BCL11B: variants seen among roughly 807,000 people sequenced by gnomAD.
BCL11B encodes the protein B-cell lymphoma/leukemia 11B.
In BCL11B, 8 loss-of-function variants were observed where a neutral mutation model predicts 49.9. That is an observed-to-expected ratio of 0.16 (90% CI 0.09 to 0.29). BCL11B has a LOEUF of 0.29. BCL11B is among the 10% of genes least tolerant of loss of function. BCL11B has a pLI of 1.00. For synonymous variants in BCL11B, 739 were observed against 637.4 expected (o/e 1.16, Z -2.40); for missense variants, 1,006 against 1,351.0 (o/e 0.74, Z 4.00).
At position 99,174,929 on chromosome 14, in the gene BCL11B, TCGTCGC is replaced by T; in HGVS notation, c.1901_1906del (p.Gly634_Asp635del). The T allele has an allele frequency of 7.6e-7, 1 of 1,312,316 alleles. No homozygotes were observed. The highest frequency in any genetic ancestry group is 9.8e-7 in the Non-Finnish European group (1 of 1,025,424). 81.3% of individuals were successfully genotyped at this position (1,312,316 alleles called of 1,614,324 possible). A position where few individuals can be genotyped will look rare whatever the true frequency, so the allele number is the denominator to read the frequency against. ...GTCCCCGCAGCCGCCCGCGTCGTCGTCGTCGCCCGCGTCCCCGCCGCCCGCCGCACG... is the reference window on the plus strand; with the variant it reads ...GTCCCCGCAGCCGCCCGCGTCGTCGTCCGCGTCCCCGCCGCCCGCCGCACG... On this transcript the variant is annotated inframe_deletion, in exon 4 of 4. Transcript: ENST00000357195.
intron 1 of BCL11B, among the ~76,000 whole-genome samples, chr14:99,269,515 T>C (rs377572308): frequency 6.6e-5 from 8 of 120,694 alleles, no homozygotes; most frequent in East Asian, 2.2e-4. Flanking sequence ...TAATTTCTAT[T>C]CCCCCCCCCC....
Position 99,247,695 on chromosome 14 carries a change from G to A in BCL11B, c.427+9776C>T, listed in dbSNP as rs1369685478. The stretch of plus-strand genomic sequence containing the variant: ...TTCTGGACACTCTTGTGGATTGGAC[G>A]GATGGCTTCATCTGTGCCATATCAC... On this transcript the variant is annotated intron_variant, in intron 2 of 3. Transcript: ENST00000357195. The surrounding 1 kb of genome is among the most constrained non-coding windows in gnomAD (Gnocchi z 4.5). Among the ~76,000 whole-genome samples the A allele has an allele frequency of 6.6e-6, 1 of 152,192 alleles. No individual in the cohort carries two copies. The highest frequency in any genetic ancestry group is 1.5e-5 in the Non-Finnish European group (1 of 68,022).
chr14:99,182,403 G>C (rs1238079613), intron 3 of BCL11B, among the ~76,000 whole-genome samples: 3 of 152,142 alleles, frequency 2.0e-5, no homozygotes, highest in East Asian at 3.9e-4. Flanking sequence ...ATAAACGCTG[G>C]GTCAGAAGAG....
At chr14:99,252,608 G>A (rs1432770080) in intron 2 of BCL11B, among the ~76,000 whole-genome samples, 2 of 152,220 alleles carry the variant, frequency 1.3e-5, no homozygotes, top group African/African-American at 2.4e-5. Flanking sequence ...GGTTGTGGAT[G>A]AAGACATATC....
At chr14:99,202,385 T>C (rs1887410783) in intron 3 of BCL11B, among the ~76,000 whole-genome samples, 1 of 152,238 alleles carries the variant, frequency 6.6e-6, no homozygotes, top group Non-Finnish European at 1.5e-5. Context: ...TTTCTTTTAA[T>C]AGGCCTATCC....
In BCL11B at chr14:99,175,206, G is replaced by GCTC. The variant is rs761352760; in HGVS notation, c.1627_1629dup (p.Glu543dup). On this transcript the variant is annotated inframe_insertion, in exon 4 of 4. Transcript: ENST00000357195. ...GGCCGGCTCTCGTTCTCCAGTAGCA[G>GCTC]CTCCTCCTCCTCCTCCTCCTCCTCC... 1,658 of 1,554,540 alleles carry GCTC rather than the reference G, an allele frequency of 1.1e-3. 1 individual carries two copies. The highest frequency in any genetic ancestry group is 1.5e-3 in the Middle Eastern group (9 of 5,924).
chr14:99,207,927 C>A (rs974766535), intron 3 of BCL11B, among the ~76,000 whole-genome samples: 12 of 152,152 alleles, frequency 7.9e-5, no homozygotes, highest in African/African-American at 2.7e-4. Flanking sequence ...TGGCCCTGGG[C>A]AAGTAACAGG....
chr14:99,246,372 GCGGGT>G (rs1294349512), intron 2 of BCL11B, among the ~76,000 whole-genome samples: 1 of 152,244 alleles, frequency 6.6e-6, no homozygotes, highest in Non-Finnish European at 1.5e-5. Flanking sequence ...CGCAGCGGGC[GCGGGT>G]CAAAGAGAGA....
At chr14:99,187,107 G>C (rs531603722) in intron 3 of BCL11B, among the ~76,000 whole-genome samples, 4 of 152,322 alleles carry the variant, frequency 2.6e-5, no homozygotes. Context: ...AACAGTCTGT[G>C]TTTCAACCGT....
In BCL11B at chr14:99,170,878, GT is replaced by G. The variant is rs1004461989; in HGVS notation, c.*3272del. On this transcript the variant is annotated 3_prime_UTR_variant, in exon 4 of 4. Transcript: ENST00000357195. ...CACCAGCTCCTTTTATGATATTTGTGTTTGTTTCACAATTTCTCAAGGACTA... is the reference window on the plus strand; with the variant it reads ...CACCAGCTCCTTTTATGATATTTGTGTTGTTTCACAATTTCTCAAGGACTA... 3.9e-5 allele frequency: 9 copies of G among 232,606 alleles called. No individual in the cohort carries two copies. The highest frequency in any genetic ancestry group is 2.2e-4 in the Admixed American group (4 of 17,780). The allele number at this position is 232,606 out of a possible 1,614,324, so 14.4% of individuals were successfully genotyped here.
rs1047891020 is a variant in BCL11B at position 99,184,947 on chromosome 14, TCAAA to T, written c.641-8756_641-8753del. Among the ~76,000 whole-genome samples, 14 of 152,040 alleles carry T rather than the reference TCAAA, an allele frequency of 9.2e-5. No homozygotes were observed. The highest frequency in any genetic ancestry group is 3.1e-4 in the African/African-American group (13 of 41,480). On this transcript the variant is annotated intron_variant, in intron 3 of 3. Transcript: ENST00000357195. This position sits in a 1 kb window ranked among gnomAD's most constrained non-coding sequence, Gnocchi z 6.1. Reference sequence around the variant, plus strand: ...CCTTAGGAAGCTGGGCCTACACCCCTCAAACAAAGAGCCCCAGCATTCCCCTTGA... The same window carrying T: ...CCTTAGGAAGCTGGGCCTACACCCCTCAAAGAGCCCCAGCATTCCCCTTGA...
chr14:99,172,529 A>G lies in BCL11B; in HGVS notation c.*1622T>C, dbSNP rs139734392. 48 of 207,544 alleles carry G rather than the reference A, an allele frequency of 2.3e-4. No individual in the cohort carries two copies. In the East Asian group the frequency reaches 3.4e-3, roughly 15 times the overall value. 12.9% of individuals were successfully genotyped at this position (207,544 alleles called of 1,614,324 possible). A position where few individuals can be genotyped will look rare whatever the true frequency, so the allele number is the denominator to read the frequency against. ...TTTTGCATTTGTCTCAAGAGACTCA[A>G]ATAGGAAGATCAGTTTTCAAGGCAC... On this transcript the variant is annotated 3_prime_UTR_variant, in exon 4 of 4. Coordinates refer to ENST00000357195, the MANE Select transcript of BCL11B (RefSeq NM_138576.4).
chr14:99,175,967 T>C lies in BCL11B; in HGVS notation c.869A>G (p.Asn290Ser). 3 of 1,490,272 alleles carry C rather than the reference T, an allele frequency of 2.0e-6. No individual in the cohort carries two copies. In the South Asian group the frequency reaches 4.1e-5, roughly 20 times the overall value. 92.3% of individuals were successfully genotyped at this position (1,490,272 alleles called of 1,614,324 possible). A position where few individuals can be genotyped will look rare whatever the true frequency, so the allele number is the denominator to read the frequency against. The change falls in exon 4 of 4, where the codon AAC (asparagine) becomes AGC (serine). Residue 290 changes from asparagine (N) to serine (S), a missense_variant. By Grantham distance (46) the Asn-to-Ser change is conservative (BLOSUM62 1). Coordinates refer to ENST00000357195, the MANE Select transcript of BCL11B (RefSeq NM_138576.4). ...GATGGGGCCCGTCATGCGCAGCAGG[T>C]TGAAGGGGTTGCTGTCGCCCAGGAA... ...MNFLGDSNPF[N>S]LLRMTGPILR...
intron 3 of BCL11B, among the ~76,000 whole-genome samples, chr14:99,198,582 G>A (rs1040591999): frequency 1.3e-5 from 2 of 152,132 alleles, no homozygotes; most frequent in African/African-American, 2.4e-5. Flanking sequence ...GCGTGTCCCT[G>A]GTTAGTCTTC....
intron 3 of BCL11B, among the ~76,000 whole-genome samples, chr14:99,201,558 GC>G (rs1172350954): frequency 6.6e-6 from 1 of 152,142 alleles, no homozygotes; most frequent in Non-Finnish European, 1.5e-5. Flanking sequence ...AAACAGACCT[GC>G]CCCCAGTCCC....
At chr14:99,187,628 G>A (rs1886892259) in intron 3 of BCL11B, among the ~76,000 whole-genome samples, 1 of 149,682 alleles carries the variant, frequency 6.7e-6, no homozygotes, top group South Asian at 2.1e-4. Flanking sequence ...ATCATTTAAT[G>A]GACAAATAAA....
intron 3 of BCL11B, among the ~76,000 whole-genome samples, chr14:99,188,105 G>T (rs1026490167): frequency 6.6e-6 from 1 of 152,200 alleles, no homozygotes; most frequent in Non-Finnish European, 1.5e-5. Context: ...GGTCTGCGGG[G>T]ATTGATAAAG....
chr14:99,194,244 G>A lies in BCL11B; in HGVS notation c.641-18049C>T, dbSNP rs1887117162. 6.6e-6 allele frequency among the ~76,000 whole-genome samples: 1 copy of A among 152,084 alleles called. No individual in the cohort carries two copies. The highest frequency in any genetic ancestry group is 6.5e-5 in the Admixed American group (1 of 15,280). ...GCCCCAGCACAGAGCAAGTGCTGCT[G>A]GCCCCGGACTGTCCCCCAGCAGCAG... is the stretch of plus-strand genomic sequence containing the variant. On this transcript the variant is annotated intron_variant, in intron 3 of 3. Transcript: ENST00000357195. The surrounding 1 kb of genome is among the most constrained non-coding windows in gnomAD (Gnocchi z 4.6).
In BCL11B at chr14:99,213,947, A is replaced by G. The variant is rs575546737; in HGVS notation, c.640+17398T>C. Among the ~76,000 whole-genome samples, 4 of 151,430 alleles carry G rather than the reference A, an allele frequency of 2.6e-5. No homozygotes were observed. Among genetic ancestry groups the G allele is most frequent in the Admixed American group, 2.0e-4 (3 of 15,208 alleles). ...GTGCTCCTCCGAGAGGCTTGGCCCC[A>G]GGACACTGACTCCTCCCTCTCCCTA... On this transcript the variant is annotated intron_variant, in intron 3 of 3. Transcript: ENST00000357195. The surrounding 1 kb of genome is among the most constrained non-coding windows in gnomAD (Gnocchi z 5.1).
Sources: gnomAD v4.1 joint callset for allele counts (sites outside exome capture counted in the v4.1 genomes callset) on GRCh38, gnomAD v4.1.1 for gene constraint, Gnocchi (gnomAD v3.1) non-coding constraint, MANE v1.5 for transcripts, NCBI Gene and HGNC (gene_info 2026-07-23, HGNC 2026-07-21) for gene names.